PSD: variants seen among roughly 807,000 people sequenced by gnomAD.
PSD encodes pleckstrin and Sec7 domain containing.
Under a neutral mutation model 91.6 loss-of-function variants are expected in PSD, and 32 were observed. The ratio of observed to expected loss-of-function variants is 0.35; its 90% CI spans 0.26 to 0.47. The LOEUF (loss-of-function observed/expected upper bound fraction) is 0.47. Among genes scored for constraint, PSD ranks in the 20% least tolerant of loss-of-function variants. The pLI is 1.00. For synonymous variants in PSD, 532 were observed against 569.3 expected (o/e 0.93, Z 0.93); for missense variants, 1,099 against 1,373.9 (o/e 0.80, Z 3.16).
Position 102,414,867 on chromosome 10 carries a change from C to T in PSD, c.1120G>A (p.Ala374Thr). The change falls in exon 4 of 17, where the codon GCC becomes ACC. Residue 374 changes from alanine to threonine, a missense_variant. Ala to Thr is a moderately conservative substitution (Grantham distance 58). Coordinates refer to ENST00000020673, the MANE Select transcript of PSD (RefSeq NM_002779.5). The surrounding 1 kb of genome is among the most constrained non-coding windows in gnomAD (Gnocchi z 5.6). ...DDEVFEASEGARPGSRMPLKS... is the reference protein window; with the variant it reads ...DDEVFEASEGTRPGSRMPLKS... ...CCCTCCCACTTCCCCACTCACCGGG[C>T]CCCTTCAGAGGCCTCAAACACCTCG... 1 of 1,492,834 alleles carries T rather than the reference C, an allele frequency of 6.7e-7. No homozygotes were observed. The highest frequency in any genetic ancestry group is 8.9e-7 in the Non-Finnish European group (1 of 1,124,788). 92.5% of individuals were successfully genotyped at this position (1,492,834 alleles called of 1,614,324 possible). A position where few individuals can be genotyped will look rare whatever the true frequency, so the allele number is the denominator to read the frequency against.
Position 102,410,871 on chromosome 10 carries a change from C to T in PSD, c.2078G>A (p.Arg693Lys), listed in dbSNP as rs1400982908. The change falls in exon 10 of 17, where the codon AGG becomes AAG. Residue 693 changes from arginine to lysine, a missense_variant. Coordinates refer to ENST00000020673, the MANE Select transcript of PSD (RefSeq NM_002779.5). The surrounding 1 kb of genome is among the most constrained non-coding windows in gnomAD (Gnocchi z 6.0). ...CCCGCCCCCCACCTTGAGCAGCTCCCTAGGGAAGTCGCCGCCATCATTGAG... is the reference window on the plus strand; with the variant it reads ...CCCGCCCCCCACCTTGAGCAGCTCCTTAGGGAAGTCGCCGCCATCATTGAG... Reference protein sequence around the residue: ...EGLNDGGDFPRELLKALYSSI... With the variant: ...EGLNDGGDFPKELLKALYSSI... 11 of 1,613,328 alleles carry T rather than the reference C, an allele frequency of 6.8e-6. No homozygotes were observed. The highest frequency in any genetic ancestry group is 3.3e-5 in the Admixed American group (2 of 60,000).
At chr10:102,407,669 A>G (rs1031361740) in intron 10 of PSD, among the ~76,000 whole-genome samples, 4 of 152,148 alleles carry the variant, frequency 2.6e-5, no homozygotes, top group African/African-American at 7.2e-5. Context: ...CCTTCCCCCA[A>G]CCACGCGCTC....
rs767161903 is a variant in PSD, at chr10:102,418,646, G to A, written c.-84+55C>T. On this transcript the variant is annotated intron_variant, in intron 1 of 16. Transcript: ENST00000020673. ...GCCAGGCAGGTTCCGGAAGCTCAAC[G>A]GGGTCCCAGCGCATACCCGGTGCAG... The A allele has an allele frequency of 7.2e-5, 32 of 447,306 alleles. 1 individual carries two copies. Among genetic ancestry groups the A allele is most frequent in the South Asian group, 4.7e-4 (30 of 64,200 alleles). 27.7% of individuals were successfully genotyped at this position (447,306 alleles called of 1,614,324 possible). A position where few individuals can be genotyped will look rare whatever the true frequency, so the allele number is the denominator to read the frequency against.
chr10:102,416,164 C>T lies in PSD; in HGVS notation c.655-45G>A. On this transcript the variant is annotated intron_variant, in intron 2 of 16. Coordinates refer to ENST00000020673, the MANE Select transcript of PSD (RefSeq NM_002779.5). This position sits in a 1 kb window ranked among gnomAD's most constrained non-coding sequence, Gnocchi z 6.0. ...ACAGGCACCCAGAGATAAAGCCAGA[C>T]ATACAAGGACACAAGAATATGGGAC... 7.0e-7 allele frequency: 1 copy of T among 1,433,818 alleles called. No homozygotes were observed. Among genetic ancestry groups the T allele is most frequent in the Non-Finnish European group, 9.7e-7 (1 of 1,029,232 alleles). The allele number at this position is 1,433,818 out of a possible 1,614,324, so 88.8% of individuals were successfully genotyped here.
Position 102,416,813 on chromosome 10 carries a change from G to T in PSD, c.226C>A (p.Pro76Thr). ...PCTPLRGPPSPRVAPSPWAPS... is the reference protein window; with the variant it reads ...PCTPLRGPPSTRVAPSPWAPS... ...GCCCAGGGTGAGGGAGCAACACGGG[G>T]TGAGGGGGGGCCACGCAGAGGTGTA... The change falls in exon 2 of 17, where the codon CCC becomes ACC. Residue 76 changes from proline to threonine, a missense_variant. Physicochemically the swap from Pro to Thr is conservative, Grantham distance 38 (BLOSUM62 -1). This residue lies in a region of PSD where 631 missense variants were observed against 728.8 expected (regional missense o/e 0.87). Coordinates refer to ENST00000020673, the MANE Select transcript of PSD (RefSeq NM_002779.5). This position sits in a 1 kb window ranked among gnomAD's most constrained non-coding sequence, Gnocchi z 6.0. 2 of 1,599,032 alleles carry T rather than the reference G, an allele frequency of 1.3e-6. No individual in the cohort carries two copies. The highest frequency in any genetic ancestry group is 1.7e-6 in the Non-Finnish European group (2 of 1,172,230).
rs940092755 is a variant in PSD, at chr10:102,416,290, G to T, written c.654+95C>A. Reference sequence around the variant, plus strand: ...GAGGCAGATTTAGAACAGATTAAAGGATTCAGAGTGAACAGCAGACAAGCC... The same window carrying T: ...GAGGCAGATTTAGAACAGATTAAAGTATTCAGAGTGAACAGCAGACAAGCC... On this transcript the variant is annotated intron_variant, in intron 2 of 16. Transcript: ENST00000020673. The surrounding 1 kb of genome is among the most constrained non-coding windows in gnomAD (Gnocchi z 6.0). The T allele has an allele frequency of 1.3e-5, 19 of 1,422,340 alleles. No individual in the cohort carries two copies. Among genetic ancestry groups the T allele is most frequent in the African/African-American group, 2.8e-5 (2 of 70,286 alleles). 88.1% of individuals were successfully genotyped at this position (1,422,340 alleles called of 1,614,324 possible).
At position 102,404,523 on chromosome 10, in the gene PSD, G is replaced by A; in HGVS notation, c.2700+60C>T. ...ATCACACGCAGCAGCCTTGAGTGCA[G>A]TGGGCCTGAGCCTAACACCCTCCAT... On this transcript the variant is annotated intron_variant, in intron 15 of 16. Transcript: ENST00000020673. This position sits in a 1 kb window ranked among gnomAD's most constrained non-coding sequence, Gnocchi z 5.7. The A allele has an allele frequency of 3.8e-6, 6 of 1,560,190 alleles. No homozygotes were observed. The highest frequency in any genetic ancestry group is 2.7e-5 in the African/African-American group (2 of 73,620).
Position 102,415,469 on chromosome 10 carries a change from T to A in PSD, c.758-240A>T, listed in dbSNP as rs551665125. On this transcript the variant is annotated intron_variant, in intron 3 of 16. Transcript: ENST00000020673. Reference sequence around the variant, plus strand: ...AAGACCAGCCTTTTTCTGTCTTTTTTATTTATTTATTTATTTATTTTGAGA... The same window carrying A: ...AAGACCAGCCTTTTTCTGTCTTTTTAATTTATTTATTTATTTATTTTGAGA... Among the ~76,000 whole-genome samples the A allele has an allele frequency of 1.0e-3, 157 of 152,256 alleles. 2 individuals are homozygous for A. The South Asian group carries it at 0.031, about 30-fold the overall frequency.
At position 102,405,059 on chromosome 10, in the gene PSD, C is replaced by T. The variant is rs2135449515; in HGVS notation, c.2398-4G>A. 1 of 1,613,698 alleles carries T rather than the reference C, an allele frequency of 6.2e-7. No homozygotes were observed. The highest frequency in any genetic ancestry group is 1.3e-5 in the African/African-American group (1 of 75,032). ...CCTTCCCAGGCTTGTACTCCTCCTG[C>T]AGGGGTGTCCATCTTGTCCTGGCCC... On this transcript the variant is annotated splice_polypyrimidine_tract_variant and splice_region_variant and intron_variant, in intron 13 of 16. Transcript: ENST00000020673. This position sits in a 1 kb window ranked among gnomAD's most constrained non-coding sequence, Gnocchi z 5.4.
chr10:102,414,116 G>T lies in PSD; in HGVS notation c.1206C>A (p.Phe402Leu). 6.2e-7 allele frequency: 1 copy of T among 1,614,102 alleles called. No homozygotes were observed. Among genetic ancestry groups the T allele is most frequent in the Non-Finnish European group, 8.5e-7 (1 of 1,179,982 alleles). The change falls in exon 5 of 17, where the codon TTC becomes TTA. Residue 402 changes from phenylalanine to leucine, a missense_variant. Phe to Leu is a conservative substitution (Grantham distance 22). This residue lies in a region of PSD where 631 missense variants were observed against 728.8 expected (regional missense o/e 0.87). Transcript: ENST00000020673. The surrounding 1 kb of genome is among the most constrained non-coding windows in gnomAD (Gnocchi z 5.6). Reference sequence around the variant, plus strand: ...CCAGGATGGCTTCGAACACACAACTGAAAGAGTCAGGCCCATCAGCCGAGG... The same window carrying T: ...CCAGGATGGCTTCGAACACACAACTTAAAGAGTCAGGCCCATCAGCCGAGG... ...TSPSADGPDS[F>L]SCVFEAILES...
chr10:102,416,793 G>A lies in PSD; in HGVS notation c.246C>T (p.Pro82=). The change falls in exon 2 of 17, where the codon CCC becomes CCT. Residue 82 remains proline (P), a synonymous_variant. Coordinates refer to ENST00000020673, the MANE Select transcript of PSD (RefSeq NM_002779.5). The surrounding 1 kb of genome is among the most constrained non-coding windows in gnomAD (Gnocchi z 6.0). ...GCCCAGTGGGTGAAGAGGGTGCCCA[G>A]GGTGAGGGAGCAACACGGGGTGAGG... is the stretch of plus-strand genomic sequence containing the variant. ...GPPSPRVAPS[P]WAPSSPTGQP... 2.5e-6 allele frequency: 4 copies of A among 1,597,340 alleles called. No homozygotes were observed. The highest frequency in any genetic ancestry group is 1.7e-4 in the Middle Eastern group (1 of 5,960).
chr10:102,412,915 T>G (rs1040097309), intron 5 of PSD, among the ~76,000 whole-genome samples: 4 of 152,266 alleles, frequency 2.6e-5, no homozygotes, highest in African/African-American at 9.6e-5. Flanking sequence ...GTCCTTTGTC[T>G]CTTAGACTAT....
chr10:102,407,324 T>C, intron 10 of PSD, 58 bp from the exon 11 acceptor site: 17 of 1,182,714 alleles, frequency 1.4e-5, no homozygotes, highest in Non-Finnish European at 2.0e-5. Context: ...GTGTCAGAGC[T>C]TAGAGCCTTC....
rs1187906699 is a variant in PSD, at chr10:102,405,338, C to T, written c.2326+8G>A. On this transcript the variant is annotated splice_region_variant and intron_variant, in intron 12 of 16. Transcript: ENST00000020673. This position sits in a 1 kb window ranked among gnomAD's most constrained non-coding sequence, Gnocchi z 5.4. ...TAGACGCCCGCCCCCCGCAACTCGG[C>T]CACATACTCTTCCTGCAGTCAGGGT... The T allele has an allele frequency of 6.2e-7, 1 of 1,609,864 alleles. No homozygotes were observed.
chr10:102,413,331 C>T (rs1425834691), intron 5 of PSD, among the ~76,000 whole-genome samples: 3 of 152,160 alleles, frequency 2.0e-5, no homozygotes, highest in Non-Finnish European at 4.4e-5. Flanking sequence ...CTTCCTGGAG[C>T]TGGACGAGAG....
Position 102,416,439 on chromosome 10 carries a change from A to AG in PSD, c.599dup (p.Glu201Ter). 6.2e-7 allele frequency: 1 copy of AG among 1,612,094 alleles called. No individual in the cohort carries two copies. Among genetic ancestry groups the AG allele is most frequent in the Non-Finnish European group, 8.5e-7 (1 of 1,179,226 alleles). On this transcript the variant is annotated frameshift_variant, in exon 2 of 17. Transcript: ENST00000020673. LOFTEE classifies it high-confidence loss of function. The surrounding 1 kb of genome is among the most constrained non-coding windows in gnomAD (Gnocchi z 6.0). ...CTCCGAAGAGTGTGGCCAGGCGCTCAGGGGGGCCCCCCAGCCCATTGGGGA... is the reference window on the plus strand; with the variant it reads ...CTCCGAAGAGTGTGGCCAGGCGCTCAGGGGGGGCCCCCCAGCCCATTGGGGA...
At position 102,405,324 on chromosome 10, in the gene PSD, C is replaced by T. The variant is rs747357768; in HGVS notation, c.2326+22G>A. 9 of 1,608,148 alleles carry T rather than the reference C, an allele frequency of 5.6e-6. No homozygotes were observed. Among genetic ancestry groups the T allele is most frequent in the Non-Finnish European group, 7.6e-6 (9 of 1,178,224 alleles). On this transcript the variant is annotated intron_variant, in intron 12 of 16. Transcript: ENST00000020673. The surrounding 1 kb of genome is among the most constrained non-coding windows in gnomAD (Gnocchi z 5.4). ...TCCCATCCATCCCCTAGACGCCCGC[C>T]CCCCGCAACTCGGCCACATACTCTT...
chr10:102,408,072 C>T (rs982858372), intron 10 of PSD, among the ~76,000 whole-genome samples: 1 of 152,180 alleles, frequency 6.6e-6, no homozygotes, highest in East Asian at 1.9e-4. Flanking sequence ...CATGGGGTCC[C>T]CTCTTCTCCA....
chr10:102,417,909 A>G (rs763942805), intron 1 of PSD, among the ~76,000 whole-genome samples: 2 of 151,976 alleles, frequency 1.3e-5, no homozygotes, highest in African/African-American at 2.4e-5. Flanking sequence ...GAGTTTCACC[A>G]TGTTGTCCAG....
Sources: allele counts gnomAD v4.1 joint callset (sites outside exome capture counted in the v4.1 genomes callset), GRCh38; gene constraint gnomAD v4.1.1; regional missense constraint gnomAD v4.1.1; non-coding constraint Gnocchi (gnomAD v3.1); transcripts MANE v1.5; gene names NCBI Gene and HGNC (gene_info 2026-07-23, HGNC 2026-07-21).